Variants in ATF7IP observed in about 807,000 individuals in gnomAD.
ATF7IP encodes the protein activating transcription factor 7 interacting protein.
Under a neutral mutation model 106.4 loss-of-function variants are expected in ATF7IP, and 23 were observed. The observed-to-expected ratio is 0.22, with a 90% confidence interval of 0.16 to 0.31. The LOEUF is 0.31. ATF7IP is among the 10% of genes least tolerant of loss of function. ATF7IP has a pLI of 1.00. For missense variants in ATF7IP, 1,334 were observed against 1,524.3 expected (o/e 0.88, Z 2.08); for synonymous variants, 542 against 539.0 (o/e 1.01, Z -0.08).
In ATF7IP at chr12:14,501,691, A is replaced by G. The variant is rs191728921; in HGVS notation, c.*3618A>G. 1.3e-5 allele frequency: 2 copies of G among 152,038 alleles called. No individual in the cohort carries two copies. Among genetic ancestry groups the G allele is most frequent in the African/African-American group, 4.8e-5 (2 of 41,394 alleles). The allele number at this position is 152,038 out of a possible 1,614,324, so 9.4% of individuals were successfully genotyped here. A position where few individuals can be genotyped will look rare whatever the true frequency, so the allele number is the denominator to read the frequency against. ...TTTGCCTCACAGAGAGGTGTTCCCC[A>G]CTCCCATCCCCATTGCCAGATAATA... On this transcript the variant is annotated 3_prime_UTR_variant, in exon 15 of 15. Transcript: ENST00000261168.
chr12:14,439,633 C>G (rs1942597782), intron 5 of ATF7IP, among the ~76,000 whole-genome samples: 1 of 152,112 alleles, frequency 6.6e-6, no homozygotes. Flanking sequence ...CAGTTAGAGA[C>G]CAGCCTGGCC....
chr12:14,482,703 C>T (rs1434393184), intron 13 of ATF7IP: 1 of 152,232 alleles, frequency 6.6e-6, no homozygotes, highest in Non-Finnish European at 1.5e-5. Context: ...CTAACAGACA[C>T]ACCCAGGATC....
At chr12:14,370,614 G>A (rs1050048654) in intron 1 of ATF7IP, among the ~76,000 whole-genome samples, 6 of 151,630 alleles carry the variant, frequency 4.0e-5, no homozygotes, top group Non-Finnish European at 7.4e-5. Context: ...TTAATTCATC[G>A]GTATTACACA....
intron 1 of ATF7IP, chr12:14,369,434 AACCTC>A (rs1938443633): frequency 6.6e-6 from 1 of 152,150 alleles, no homozygotes; most frequent in African/African-American, 2.4e-5. Context: ...GGCTCACTGT[AACCTC>A]TTCTTGGGTT....
At chr12:14,375,852 G>T (rs1271599598) in intron 1 of ATF7IP, among the ~76,000 whole-genome samples, 1 of 152,226 alleles carries the variant, frequency 6.6e-6, no homozygotes, top group Non-Finnish European at 1.5e-5. Flanking sequence ...TGTGCAGGGA[G>T]CCCTGCAGTA....
rs1945127517 is a variant in ATF7IP, at chr12:14,500,285, T to G, written c.*2212T>G. The G allele has an allele frequency of 6.6e-6, 1 of 152,150 alleles. No homozygotes were observed. Among genetic ancestry groups the G allele is most frequent in the Non-Finnish European group, 1.5e-5 (1 of 68,030 alleles). 9.4% of individuals were successfully genotyped at this position (152,150 alleles called of 1,614,324 possible). A position where few individuals can be genotyped will look rare whatever the true frequency, so the allele number is the denominator to read the frequency against. On this transcript the variant is annotated 3_prime_UTR_variant, in exon 15 of 15. Transcript: ENST00000261168. ...CTTTTGACTGGTCAGTATACTGAGG[T>G]GTGAGATTTGATTCATGATGAAGAA...
At chr12:14,418,496 T>TCTTA (rs1565493586) in intron 1 of ATF7IP, among the ~76,000 whole-genome samples, 1 of 152,192 alleles carries the variant, frequency 6.6e-6, no homozygotes, top group Non-Finnish European at 1.5e-5. Context: ...ATGAATGGCA[T>TCTTA]CTTAGTTCTA....
rs1388022745 is a variant in ATF7IP at position 14,494,307 on chromosome 12, A to G, written c.3281-1924A>G. 4.2e-3 allele frequency among the ~76,000 whole-genome samples: 372 copies of G among 88,376 alleles called. 13 individuals are homozygous for G. Among genetic ancestry groups the G allele is most frequent in the African/African-American group, 0.019 (363 of 19,458 alleles). 58.0% of individuals were successfully genotyped at this position (88,376 alleles called of 152,430 possible). On this transcript the variant is annotated intron_variant, in intron 13 of 14. Transcript: ENST00000261168. The stretch of plus-strand genomic sequence containing the variant: ...AGAATATATATATATATATATATAT[A>G]TATATATATATATATATATATATAT...
intron 5 of ATF7IP, among the ~76,000 whole-genome samples, chr12:14,438,525 G>T (rs1416538335): frequency 6.6e-6 from 1 of 152,040 alleles, no homozygotes; most frequent in Non-Finnish European, 1.5e-5. Context: ...GATTCTTTTT[G>T]AGGGCTGTGC....
intron 1 of ATF7IP, among the ~76,000 whole-genome samples, chr12:14,386,107 A>G (rs988543921): frequency 6.6e-6 from 1 of 152,186 alleles, no homozygotes; most frequent in African/African-American, 2.4e-5. Context: ...AATGTATTCA[A>G]ATACCATCAG....
At chr12:14,437,791 C>T (rs984925978) in intron 4 of ATF7IP, among the ~76,000 whole-genome samples, 2 of 152,142 alleles carry the variant, frequency 1.3e-5, no homozygotes, top group Non-Finnish European at 2.9e-5. Context: ...CGGTGGCTCA[C>T]GCCTGTAATC....
chr12:14,455,138 G>T (rs114279499), intron 6 of ATF7IP, among the ~76,000 whole-genome samples: 10 of 149,318 alleles, frequency 6.7e-5, no homozygotes, highest in African/African-American at 2.5e-4. Flanking sequence ...AGATGGTGCC[G>T]CAGGATGGTG....
At chr12:14,495,525 C>A (rs1194087097) in intron 13 of ATF7IP, among the ~76,000 whole-genome samples, 12 of 152,150 alleles carry the variant, frequency 7.9e-5, no homozygotes, top group Admixed American at 7.9e-4. Flanking sequence ...AGGAACCAGG[C>A]CGAACTACAG....
intron 11 of ATF7IP, 95 bp from the exon 12 acceptor site, chr12:14,478,222 A>C (rs1944318968): frequency 1.7e-6 from 2 of 1,148,900 alleles, no homozygotes; most frequent in Non-Finnish European, 2.6e-6. Flanking sequence ...GTGACACACA[A>C]GTGGCAAGCA....
At chr12:14,482,450 A>G (rs990680691) in intron 13 of ATF7IP, 2 of 152,358 alleles carry the variant, frequency 1.3e-5, no homozygotes, top group South Asian at 4.1e-4. Flanking sequence ...CATCCAGCAC[A>G]GGAGAAAGAT....
intron 2 of ATF7IP, among the ~76,000 whole-genome samples, chr12:14,428,566 TTAAA>T (rs1045251637): frequency 5.3e-5 from 8 of 152,328 alleles, no homozygotes; most frequent in African/African-American, 1.9e-4. Context: ...GAAATGTTAC[TTAAA>T]TAAATGCCTT....
At chr12:14,372,152 A>G (rs2136394461) in intron 1 of ATF7IP, among the ~76,000 whole-genome samples, 1 of 152,226 alleles carries the variant, frequency 6.6e-6, no homozygotes, top group Admixed American at 6.5e-5. Flanking sequence ...AGAGTATTTA[A>G]ACATTACTTT....
chr12:14,426,988 A>G (rs759519124), intron 2 of ATF7IP, among the ~76,000 whole-genome samples: 11 of 152,180 alleles, frequency 7.2e-5, no homozygotes, highest in Non-Finnish European at 1.3e-4. Flanking sequence ...GCCATTAAAT[A>G]CAAGACTGTG....
intron 14 of ATF7IP, 59 bp from the exon 15 acceptor site, chr12:14,497,595 A>C (rs1046417818): frequency 6.7e-7 from 1 of 1,489,428 alleles, no homozygotes; most frequent in Non-Finnish European, 9.1e-7. Context: ...TTTTAATTCT[A>C]ACATTCTAAA....
Sources: gnomAD v4.1 joint callset for allele counts (sites outside exome capture counted in the v4.1 genomes callset) on GRCh38, gnomAD v4.1.1 for gene constraint, MANE v1.5 for transcripts, NCBI Gene and HGNC (gene_info 2026-07-23, HGNC 2026-07-21) for gene names.